The following MTFR1 variants were observed in gnomAD, a reference collection of about 807,000 sequenced individuals.
MTFR1 encodes mitochondrial fission regulator 1, also known as chondrocyte protein with a poly-proline region.
MTFR1 carries 28 observed loss-of-function variants against 38.8 expected under a neutral mutation model. The observed-to-expected ratio is 0.72, with a 90% CI of 0.53 to 0.99. The LOEUF is 0.99. MTFR1 is among the 50% of genes least tolerant of loss of function. The pLI is 0.00. For missense variants in MTFR1, 358 were observed against 395.5 expected, an observed-to-expected ratio of 0.91 and a Z score of 0.81; for synonymous variants, 145 against 137.0, an observed-to-expected ratio of 1.06 and a Z score of -0.41.
At chr8:65,736,247 A>G (rs1237745203) in intron 3 of MTFR1, among the ~76,000 whole-genome samples, 1 of 152,224 alleles carries the variant, frequency 6.6e-6, no homozygotes, top group Non-Finnish European at 1.5e-5. Context: ...CTGATAACCA[A>G]CACGGTTCAG....
chr8:65,659,424 AG>A (rs1809351367), intron 1 of MTFR1, among the ~76,000 whole-genome samples: 2 of 133,584 alleles, frequency 1.5e-5, no homozygotes, highest in Admixed American at 8.1e-5. Context: ...AACAAAGGAG[AG>A]GTTTTTTTTT....
intron 4 of MTFR1, 111 bp downstream of exon 4, chr8:65,693,870 C>T: frequency 1.3e-6 from 1 of 770,076 alleles, no homozygotes; most frequent in East Asian, 2.7e-5. Context: ...GTAATGCACC[C>T]TCTTCTTTTT....
At chr8:65,662,061 C>CTCTCCCTCTCTT (rs1809439225) in intron 1 of MTFR1, among the ~76,000 whole-genome samples, 10 of 83,548 alleles carry the variant, frequency 1.2e-4, no homozygotes, top group East Asian at 7.6e-4. Context: ...CTCCCTCTCT[C>CTCTCCCTCTCTT]TCTCCCTCTC....
intron 3 of MTFR1, among the ~76,000 whole-genome samples, chr8:65,741,663 T>C (rs1046750866): frequency 1.3e-5 from 2 of 152,164 alleles, no homozygotes; most frequent in Non-Finnish European, 2.9e-5. Flanking sequence ...CAAACACGAG[T>C]CCATGTGGTG....
At chr8:65,755,569 T>C (rs1877641) in intron 3 of MTFR1, among the ~76,000 whole-genome samples, 17,184 of 152,208 alleles carry the variant, frequency 0.11, 1,864 homozygotes, top group East Asian at 0.5. Flanking sequence ...ACAAGTTACA[T>C]CTTTATATGT....
intron 3 of MTFR1, among the ~76,000 whole-genome samples, chr8:65,740,624 A>T (rs759768930): frequency 2.0e-5 from 3 of 151,904 alleles, no homozygotes; most frequent in East Asian, 1.9e-4. Flanking sequence ...CTGGTCTCGA[A>T]CTCCTGACCT....
chr8:65,688,598 G>A (rs1305210353), intron 3 of MTFR1, among the ~76,000 whole-genome samples: 2 of 150,058 alleles, frequency 1.3e-5, no homozygotes, highest in African/African-American at 2.4e-5. Context: ...ACAGGCGCCC[G>A]CCACCACGCC....
intron 1 of MTFR1, among the ~76,000 whole-genome samples, chr8:65,658,332 C>T (rs1563433912): frequency 6.6e-6 from 1 of 152,148 alleles, no homozygotes; most frequent in Admixed American, 6.5e-5. Flanking sequence ...ATCTCAAAAA[C>T]AGATATTACA....
At chr8:65,710,835 C>G (rs972176089), downstream of MTFR1, among the ~76,000 whole-genome samples, 4 of 152,084 alleles carry the variant, frequency 2.6e-5, no homozygotes, top group Non-Finnish European at 5.9e-5. Context: ...TCTCCCACAC[C>G]CACGTCATTC....
intron 3 of MTFR1, chr8:65,719,525 C>T (rs1806287672): frequency 1.4e-6 from 2 of 1,394,162 alleles, no homozygotes; most frequent in African/African-American, 2.8e-5. Context: ...AAGTTATTAA[C>T]ATATATGCTG....
chr8:65,751,471 T>C (rs1807951003), intron 3 of MTFR1, among the ~76,000 whole-genome samples: 1 of 152,006 alleles, frequency 6.6e-6, no homozygotes, highest in African/African-American at 2.4e-5. Context: ...GTATCCTTCC[T>C]GAGGTTTTTT....
At chr8:65,692,907 T>C (rs1373182600) in intron 3 of MTFR1, among the ~76,000 whole-genome samples, 2 of 150,064 alleles carry the variant, frequency 1.3e-5, no homozygotes, top group African/African-American at 4.9e-5. Context: ...TTTTTTTTTT[T>C]ACCCCCGAGA....
chr8:65,744,352 G>A (rs1018672930), intron 3 of MTFR1, among the ~76,000 whole-genome samples: 6 of 152,120 alleles, frequency 3.9e-5, no homozygotes, highest in African/African-American at 1.4e-4. Flanking sequence ...TATACTAAAA[G>A]GTAGAACTGC....
At chr8:65,678,410 T>C (rs1804778477) in intron 2 of MTFR1, among the ~76,000 whole-genome samples, 1 of 152,226 alleles carries the variant, frequency 6.6e-6, no homozygotes. Context: ...ATTCTAAATA[T>C]TTCAGTCATT....
chr8:65,747,704 G>A (rs374223362), intron 3 of MTFR1: 63 of 1,610,796 alleles, frequency 3.9e-5, no homozygotes, highest in Non-Finnish European at 4.7e-5. Context: ...ATTTGAAACC[G>A]CAGTACCACG....
At chr8:65,748,718 C>T (rs1807797984) in intron 3 of MTFR1, among the ~76,000 whole-genome samples, 1 of 152,212 alleles carries the variant, frequency 6.6e-6, no homozygotes, top group South Asian at 2.1e-4. Context: ...TATCCAGTCA[C>T]TCACTCCTCT....
At chr8:65,708,919 G>GT in intron 7 of MTFR1, 57 bp from the exon 8 acceptor site, 1 of 1,537,714 alleles carries the variant, frequency 6.5e-7, no homozygotes, top group African/African-American at 1.4e-5. Context: ...AGGTGGGGGC[G>GT]TATCGTTACT....
chr8:65,653,087 G>A (rs1809163894), intron 1 of MTFR1, among the ~76,000 whole-genome samples: 1 of 152,168 alleles, frequency 6.6e-6, no homozygotes, highest in African/African-American at 2.4e-5. Context: ...ATCCTTTTCT[G>A]TCTGTTTTGG....
intron 3 of MTFR1, among the ~76,000 whole-genome samples, chr8:65,686,307 C>T (rs761618590): frequency 4.3e-4 from 65 of 152,144 alleles, no homozygotes; most frequent in Non-Finnish European, 8.5e-4. Context: ...CACAGTGGCT[C>T]GCACCTGTAA....
Sources: gnomAD v4.1 joint callset for allele counts (sites outside exome capture counted in the v4.1 genomes callset) on GRCh38, gnomAD v4.1.1 for gene constraint, MANE v1.5 for transcripts, NCBI Gene and HGNC (gene_info 2026-07-23, HGNC 2026-07-21) for gene names.